MAD1L1: variants seen among roughly 807,000 people sequenced by gnomAD.
MAD1L1 encodes the protein mitotic arrest deficient 1 like 1, also known as mitotic spindle assembly checkpoint protein MAD1.
A neutral mutation model predicts 96.9 loss-of-function variants in MAD1L1; 95 were observed. That is an observed-to-expected ratio of 0.98 (90% confidence interval 0.83 to 1.16). The LOEUF (loss-of-function observed/expected upper bound fraction) is 1.16. Ranked by LOEUF, MAD1L1 falls within the 50% of genes most tolerant of loss-of-function variation. The probability of loss-of-function intolerance (pLI) is 0.00; values close to 1 mark genes in which losing one functional copy is unlikely to be tolerated. For synonymous variants in MAD1L1, 473 were observed against 396.6 expected, an observed-to-expected ratio of 1.19 and a Z score of -2.29; for missense variants, 1,007 against 954.4, an observed-to-expected ratio of 1.06 and a Z score of -0.73.
chr7:2,095,841 T>G (rs1584308723), intron 11 of MAD1L1, among the ~76,000 whole-genome samples: 1 of 151,982 alleles, frequency 6.6e-6, no homozygotes, highest in Non-Finnish European at 1.5e-5. Context: ...AAGGGCAGAG[T>G]GCATCCACGC....
chr7:1,963,268 T>G (rs1780024046), intron 15 of MAD1L1, among the ~76,000 whole-genome samples: 1 of 152,118 alleles, frequency 6.6e-6, no homozygotes, highest in Non-Finnish European at 1.5e-5. Flanking sequence ...AACACAGCTG[T>G]GTGCACAGTG....
At position 2,114,330 on chromosome 7, in the gene MAD1L1, C is replaced by T. The variant is rs996660051; in HGVS notation, c.1073+34822G>A. On this transcript the variant is annotated intron_variant, in intron 11 of 18. Transcript: ENST00000265854. The surrounding 1 kb of genome is among the most constrained non-coding windows in gnomAD (Gnocchi z 4.2). ...GCCCTGAGCCAGCCCACGGTCTGAG[C>T]AGGGAACCAGGGGGCCTTCCCTACA... 6.6e-5 allele frequency among the ~76,000 whole-genome samples: 10 copies of T among 152,196 alleles called. No homozygotes were observed. Among genetic ancestry groups the T allele is most frequent in the Non-Finnish European group, 1.5e-5 (1 of 68,034 alleles).
At chr7:2,117,725 C>T (rs903502889) in intron 11 of MAD1L1, among the ~76,000 whole-genome samples, 3 of 152,122 alleles carry the variant, frequency 2.0e-5, no homozygotes, top group Admixed American at 1.3e-4. Flanking sequence ...TTAATTAAAC[C>T]TTTTTCCTTT....
intron 18 of MAD1L1, among the ~76,000 whole-genome samples, chr7:1,878,738 C>A (rs1048420935): frequency 5.4e-5 from 8 of 147,632 alleles, no homozygotes; most frequent in Admixed American, 1.3e-4. Context: ...ATGTCCCCCC[C>A]CCCCCATTCT....
rs148209199 is a variant in MAD1L1 at position 2,082,831 on chromosome 7, G to A, written c.1074-13493C>T. ...CAGCCTCCGCCCACGCCTGTGCGCCGCACGACCACTCCAGCTGCTTCAGCG... is the reference window on the plus strand; with the variant it reads ...CAGCCTCCGCCCACGCCTGTGCGCCACACGACCACTCCAGCTGCTTCAGCG... On this transcript the variant is annotated intron_variant, in intron 11 of 18. Transcript: ENST00000265854. 7.9e-5 allele frequency among the ~76,000 whole-genome samples: 12 copies of A among 152,326 alleles called. No homozygotes were observed. In the East Asian group the frequency reaches 1.5e-3, roughly 20 times the overall value.
intron 17 of MAD1L1, among the ~76,000 whole-genome samples, chr7:1,912,474 G>A (rs1458185002): frequency 1.3e-5 from 2 of 152,202 alleles, no homozygotes; most frequent in Non-Finnish European, 2.9e-5. Context: ...GGCCCTGCAC[G>A]GAGATGCCAG....
At chr7:2,210,467 C>T (rs911750718) in intron 10 of MAD1L1, among the ~76,000 whole-genome samples, 5 of 132,780 alleles carry the variant, frequency 3.8e-5, no homozygotes, top group African/African-American at 1.3e-4. Context: ...GAGCCGTATT[C>T]GGGACCGCCA....
chr7:2,108,229 T>C lies in MAD1L1; in HGVS notation c.1074-38891A>G, dbSNP rs1177828723. On this transcript the variant is annotated intron_variant, in intron 11 of 18. Transcript: ENST00000265854. ...CTATTCAGGCCCCACCTCATTATCA[T>C]AGCAGGCTTAATTGGCATTTCATCC... is the stretch of plus-strand genomic sequence containing the variant. Among the ~76,000 whole-genome samples the C allele has an allele frequency of 3.9e-5, 6 of 152,326 alleles. No homozygotes were observed. In the South Asian group the frequency reaches 8.3e-4, roughly 21 times the overall value.
At chr7:1,897,012 G>T (rs1265473427) in intron 18 of MAD1L1, among the ~76,000 whole-genome samples, 4 of 152,252 alleles carry the variant, frequency 2.6e-5, no homozygotes, top group Non-Finnish European at 4.4e-5. Flanking sequence ...TTATTCAAAG[G>T]TTTGAGAGTT....
chr7:2,120,655 C>T (rs73037208), intron 11 of MAD1L1, among the ~76,000 whole-genome samples: 1 of 152,350 alleles, frequency 6.6e-6, no homozygotes, highest in Non-Finnish European at 1.5e-5. Flanking sequence ...GTTTCCCCAA[C>T]AACACAAAAC....
At chr7:1,879,806 C>T (rs1435784373) in intron 18 of MAD1L1, among the ~76,000 whole-genome samples, 3 of 152,202 alleles carry the variant, frequency 2.0e-5, no homozygotes, top group African/African-American at 7.2e-5. Flanking sequence ...TCTCGGCTCA[C>T]TGCAAGCTCC....
chr7:2,016,172 C>T (rs369884806), intron 12 of MAD1L1, among the ~76,000 whole-genome samples: 8 of 152,310 alleles, frequency 5.3e-5, no homozygotes, highest in African/African-American at 1.7e-4. Flanking sequence ...AGAGCCAGGA[C>T]CTCACAAACC....
intron 18 of MAD1L1, among the ~76,000 whole-genome samples, chr7:1,894,284 CGGA>C (rs1455402679): frequency 6.6e-6 from 1 of 152,170 alleles, no homozygotes; most frequent in Non-Finnish European, 1.5e-5. Flanking sequence ...AAGGGCAGCT[CGGA>C]GGAGGACTTG....
intron 12 of MAD1L1, among the ~76,000 whole-genome samples, chr7:2,061,252 G>C (rs539452653): frequency 3.8e-4 from 58 of 152,340 alleles, no homozygotes; most frequent in African/African-American, 1.4e-3. Flanking sequence ...CAGGAGAATT[G>C]CTTGAACCCG....
chr7:2,219,229 A>T (rs1412744509), intron 6 of MAD1L1, 103 bp downstream of exon 6: 32 of 1,106,882 alleles, frequency 2.9e-5, no homozygotes, highest in Non-Finnish European at 3.5e-5. Flanking sequence ...TTAGGACAGC[A>T]TCTGGGAGTG....
chr7:1,983,890 CTTAT>C (rs1425006962), intron 14 of MAD1L1, among the ~76,000 whole-genome samples: 6 of 152,186 alleles, frequency 3.9e-5, no homozygotes, highest in Non-Finnish European at 7.3e-5. Context: ...GGTATTTGGA[CTTAT>C]TTATTATTTC....
rs767811006 is a variant in MAD1L1, at chr7:2,069,340, T to A, written c.1074-2A>T. On this transcript the variant is annotated splice_acceptor_variant, in intron 11 of 18. Transcript: ENST00000265854. LOFTEE classifies it high-confidence loss of function. ...CTGGCCTTCTCCAGCCCCCGGGCGC[T>A]GCATGGGAGAGACAAGAGGGCAAAG... 1.9e-6 allele frequency: 3 copies of A among 1,588,080 alleles called. No homozygotes were observed.
intron 16 of MAD1L1, among the ~76,000 whole-genome samples, chr7:1,950,253 C>G (rs7801421): frequency 0.29 from 43,797 of 152,136 alleles, 6,844 homozygotes; most frequent in Middle Eastern, 0.37. Context: ...TGTCACCCAG[C>G]GGCGAGAATG....
At chr7:1,819,701 G>A (rs759002554) in intron 18 of MAD1L1, among the ~76,000 whole-genome samples, 1 of 152,134 alleles carries the variant, frequency 6.6e-6, no homozygotes, top group Non-Finnish European at 1.5e-5. Flanking sequence ...CAAGAGGCAC[G>A]GAGTGAGGGA....
Sources: allele counts gnomAD v4.1 joint callset (sites outside exome capture counted in the v4.1 genomes callset), GRCh38; gene constraint gnomAD v4.1.1; non-coding constraint Gnocchi (gnomAD v3.1); transcripts MANE v1.5; gene names NCBI Gene and HGNC (gene_info 2026-07-23, HGNC 2026-07-21).